Variants in CCDC178 observed in about 807,000 individuals in gnomAD.
CCDC178 encodes coiled-coil domain containing 178, also known as coiled-coil domain-containing protein 178.
Under a neutral mutation model 117.4 loss-of-function variants are expected in CCDC178, and 126 were observed. That is an observed-to-expected ratio of 1.07 (90% CI 0.93 to 1.24). The LOEUF is 1.24. CCDC178 is among the 50% of genes most tolerant of loss of function. The pLI, the probability that CCDC178 is intolerant of heterozygous loss-of-function variation, is 0.00. For missense variants in CCDC178, 1,030 were observed against 986.9 expected, an observed-to-expected ratio of 1.04 and a Z score of -0.59; for synonymous variants, 283 against 313.4, an observed-to-expected ratio of 0.90 and a Z score of 1.02.
At chr18:33,031,011 T>C (rs1450669272) in intron 21 of CCDC178, among the ~76,000 whole-genome samples, 2 of 152,062 alleles carry the variant, frequency 1.3e-5, no homozygotes, top group African/African-American at 4.8e-5. Flanking sequence ...GTTGGGGGCA[T>C]TGGTGTTAAG....
intron 20 of CCDC178, among the ~76,000 whole-genome samples, chr18:33,122,733 G>C (rs768234134): frequency 4.6e-5 from 7 of 152,136 alleles, no homozygotes; most frequent in Non-Finnish European, 1.5e-5. Context: ...GAGAATTTGA[G>C]AGGACCCACT....
chr18:32,956,432 T>C (rs916280195), intron 22 of CCDC178, among the ~76,000 whole-genome samples: 1 of 152,180 alleles, frequency 6.6e-6, no homozygotes, highest in East Asian at 1.9e-4. Flanking sequence ...TTGTGACATG[T>C]TTTCCACAAT....
chr18:33,320,450 C>T (rs1202584639), intron 11 of CCDC178, among the ~76,000 whole-genome samples: 4 of 152,078 alleles, frequency 2.6e-5, no homozygotes, highest in Admixed American at 1.3e-4. Context: ...ACACCAATAA[C>T]AGACAAACAG....
intron 20 of CCDC178, among the ~76,000 whole-genome samples, chr18:33,120,160 T>G (rs763449694): frequency 6.6e-6 from 1 of 151,646 alleles, no homozygotes; most frequent in South Asian, 2.1e-4. Flanking sequence ...GTTATGCACA[T>G]GTACCCTACA....
intron 12 of CCDC178, among the ~76,000 whole-genome samples, chr18:33,268,223 C>T (rs2059843326): frequency 6.6e-6 from 1 of 151,652 alleles, no homozygotes; most frequent in Non-Finnish European, 1.5e-5. Flanking sequence ...AAATTTGCTA[C>T]CAGATACTAA....
At chr18:33,434,760 T>C (rs2064266446) in intron 2 of CCDC178, among the ~76,000 whole-genome samples, 1 of 152,160 alleles carries the variant, frequency 6.6e-6, no homozygotes, top group Non-Finnish European at 1.5e-5. Flanking sequence ...ATATTTCACA[T>C]GGGGACGTGA....
chr18:33,226,233 A>G (rs1781309031), intron 16 of CCDC178, among the ~76,000 whole-genome samples: 1 of 152,164 alleles, frequency 6.6e-6, no homozygotes, highest in African/African-American at 2.4e-5. Context: ...TTTTTCTTAT[A>G]ATAATAATAC....
chr18:33,002,080 T>C (rs956643674), intron 21 of CCDC178, among the ~76,000 whole-genome samples: 2 of 152,154 alleles, frequency 1.3e-5, no homozygotes, highest in African/African-American at 4.8e-5. Flanking sequence ...TAATAACAGC[T>C]GGAGATTTCA....
Position 33,243,565 on chromosome 18 carries a change from G to A in CCDC178, c.1593+1680C>T, listed in dbSNP as rs78178356. ...AAATAAAATTAAAAATAACAGAAAA[G>A]GGGCACTCTATTATGGGCTGGCAAA... is the stretch of plus-strand genomic sequence containing the variant. On this transcript the variant is annotated intron_variant, in intron 15 of 22. Coordinates refer to ENST00000383096, the MANE Select transcript of CCDC178 (RefSeq NM_001105528.4). Among the ~76,000 whole-genome samples, 633 of 132,454 alleles carry A rather than the reference G, an allele frequency of 4.8e-3. 1 individual carries two copies. The highest frequency in any genetic ancestry group is 7.2e-3 in the Non-Finnish European group (457 of 63,142). 86.9% of individuals were successfully genotyped at this position (132,454 alleles called of 152,430 possible).
chr18:33,233,497 A>C (rs2059391006), intron 15 of CCDC178, among the ~76,000 whole-genome samples: 1 of 152,106 alleles, frequency 6.6e-6, no homozygotes, highest in Non-Finnish European at 1.5e-5. Context: ...CATTATGTTC[A>C]ACGTGTTGTT....
At chr18:33,035,327 A>C in intron 21 of CCDC178, among the ~76,000 whole-genome samples, 2 of 151,992 alleles carry the variant, frequency 1.3e-5, no homozygotes, top group Non-Finnish European at 2.9e-5. Context: ...GTTTGGCCAA[A>C]CAGAAGGGAG....
intron 21 of CCDC178, among the ~76,000 whole-genome samples, chr18:33,051,287 C>G (rs2056743340): frequency 6.6e-6 from 1 of 151,896 alleles, no homozygotes; most frequent in African/African-American, 2.4e-5. Flanking sequence ...AGATAAGTAT[C>G]AACACTAGAT....
At chr18:32,951,600 G>C (rs2054485061) in intron 22 of CCDC178, among the ~76,000 whole-genome samples, 2 of 152,182 alleles carry the variant, frequency 1.3e-5, no homozygotes, top group African/African-American at 4.8e-5. Context: ...ACTATAAATT[G>C]AGATTTGGGT....
At chr18:33,062,238 T>A (rs2056934828) in intron 21 of CCDC178, among the ~76,000 whole-genome samples, 1 of 152,240 alleles carries the variant, frequency 6.6e-6, no homozygotes, top group African/African-American at 2.4e-5. Context: ...CCTTTGGGAA[T>A]ATATGCATTA....
At chr18:33,040,849 AC>A (rs1419423372) in intron 21 of CCDC178, among the ~76,000 whole-genome samples, 1 of 151,954 alleles carries the variant, frequency 6.6e-6, no homozygotes, top group Non-Finnish European at 1.5e-5. Flanking sequence ...GGCTTCTCCT[AC>A]CCAGGAAATG....
chr18:33,252,393 T>C (rs527766098), intron 14 of CCDC178, among the ~76,000 whole-genome samples: 1 of 151,924 alleles, frequency 6.6e-6, no homozygotes, highest in African/African-American at 2.4e-5. Flanking sequence ...CTAACTAACA[T>C]GTGGGTGAGT....
At chr18:33,237,202 C>T (rs1449687307) in intron 15 of CCDC178, among the ~76,000 whole-genome samples, 1 of 152,162 alleles carries the variant, frequency 6.6e-6, no homozygotes, top group African/African-American at 2.4e-5. Context: ...TGGCTACACT[C>T]TACAACCCTA....
intron 18 of CCDC178, among the ~76,000 whole-genome samples, chr18:33,216,063 A>G (rs2059162222): frequency 6.6e-6 from 1 of 151,996 alleles, no homozygotes; most frequent in Non-Finnish European, 1.5e-5. Flanking sequence ...GCTCCACTGC[A>G]CTCCAGCCCA....
intron 21 of CCDC178, among the ~76,000 whole-genome samples, chr18:33,002,246 G>A (rs1056433258): frequency 6.6e-6 from 1 of 151,874 alleles, no homozygotes; most frequent in Middle Eastern, 3.2e-3. Flanking sequence ...CTCAGCACAT[G>A]GATCATTCTC....
Sources: allele counts gnomAD v4.1 joint callset (sites outside exome capture counted in the v4.1 genomes callset), GRCh38; gene constraint gnomAD v4.1.1; transcripts MANE v1.5; gene names NCBI Gene and HGNC (gene_info 2026-07-23, HGNC 2026-07-21).